Variants in COMMD10 observed in about 807,000 individuals in gnomAD.
The protein encoded by COMMD10 is COMM domain containing 10.
In COMMD10, 33 loss-of-function variants were observed where a neutral mutation model predicts 28.9. The observed-to-expected ratio is 1.14, with a 90% confidence interval of 0.87 to 1.53. COMMD10 has a LOEUF of 1.53. Among genes scored for constraint, COMMD10 ranks in the 40% most tolerant of loss-of-function variants. The probability of loss-of-function intolerance (pLI) is 0.00; values close to 1 mark genes in which losing one functional copy is unlikely to be tolerated. For synonymous variants in COMMD10, 110 were observed against 81.7 expected (o/e 1.35, Z -1.87); for missense variants, 310 against 233.4 (o/e 1.33, Z -2.14).
chr5:116,208,615 T>C (rs1298997656), intron 5 of COMMD10, among the ~76,000 whole-genome samples: 1 of 152,198 alleles, frequency 6.6e-6, no homozygotes, highest in Non-Finnish European at 1.5e-5. Flanking sequence ...TATTCAATAA[T>C]TGAAACACAT....
At chr5:116,190,159 C>G (rs1260822530) in intron 5 of COMMD10, among the ~76,000 whole-genome samples, 1 of 152,032 alleles carries the variant, frequency 6.6e-6, no homozygotes, top group Non-Finnish European at 1.5e-5. Context: ...TCACATGGAG[C>G]TGAGAAGACC....
chr5:116,267,296 C>T (rs12515035), intron 5 of COMMD10, among the ~76,000 whole-genome samples: 26,898 of 151,832 alleles, frequency 0.18, 2,738 homozygotes, highest in Admixed American at 0.29. Context: ...CATTCCTATA[C>T]ACCAATAACA....
At chr5:116,178,260 T>G (rs1162847630) in intron 5 of COMMD10, among the ~76,000 whole-genome samples, 2 of 152,122 alleles carry the variant, frequency 1.3e-5, no homozygotes, top group East Asian at 3.9e-4. Flanking sequence ...ATTGCTTAGA[T>G]AAGTATTTAT....
chr5:116,263,025 A>C (rs771585481), intron 5 of COMMD10, among the ~76,000 whole-genome samples: 3 of 151,802 alleles, frequency 2.0e-5, no homozygotes, highest in Non-Finnish European at 2.9e-5. Flanking sequence ...CATGCTAAAC[A>C]TATTTTTTAA....
chr5:116,253,913 A>T (rs921777408), intron 5 of COMMD10, among the ~76,000 whole-genome samples: 6 of 151,610 alleles, frequency 4.0e-5, no homozygotes, highest in Non-Finnish European at 8.8e-5. Context: ...TTCGGCTGTG[A>T]ATCCATCTGG....
chr5:116,115,325 G>T (rs1033799259), intron 4 of COMMD10, among the ~76,000 whole-genome samples: 1 of 152,160 alleles, frequency 6.6e-6, no homozygotes, highest in Non-Finnish European at 1.5e-5. Flanking sequence ...CCACGTTGCA[G>T]ACTCCCTTTT....
intron 5 of COMMD10, among the ~76,000 whole-genome samples, chr5:116,245,052 G>GA (rs56658530): frequency 0.78 from 116,984 of 149,670 alleles, 48,016 homozygotes; most frequent in South Asian, 0.93. Flanking sequence ...CTGGTTTTTT[G>GA]AAAAAAAAAA....
At chr5:116,282,875 C>G (rs1751110455) in intron 5 of COMMD10, among the ~76,000 whole-genome samples, 1 of 151,884 alleles carries the variant, frequency 6.6e-6, no homozygotes, top group Non-Finnish European at 1.5e-5. Context: ...AGGACTTCAA[C>G]TTAAAAATTT....
intron 5 of COMMD10, among the ~76,000 whole-genome samples, chr5:116,234,691 C>G (rs1240006985): frequency 6.6e-6 from 1 of 152,184 alleles, no homozygotes; most frequent in Non-Finnish European, 1.5e-5. Context: ...ATAATTTACA[C>G]ACAGATCGAG....
At chr5:116,260,367 T>C (rs1407675888) in intron 5 of COMMD10, among the ~76,000 whole-genome samples, 1 of 151,912 alleles carries the variant, frequency 6.6e-6, no homozygotes, top group Non-Finnish European at 1.5e-5. Flanking sequence ...GGGTAATGTT[T>C]ATTGTTAGTC....
intron 4 of COMMD10, among the ~76,000 whole-genome samples, chr5:116,116,436 CTG>C (rs536235013): frequency 4.5e-4 from 69 of 152,318 alleles, no homozygotes; most frequent in African/African-American, 1.6e-3. Flanking sequence ...CAATATGTAA[CTG>C]TGAATACATA....
intron 5 of COMMD10, among the ~76,000 whole-genome samples, chr5:116,287,484 C>G (rs1751248873): frequency 6.6e-6 from 1 of 151,628 alleles, no homozygotes; most frequent in Non-Finnish European, 1.5e-5. Context: ...TAAAGTATGT[C>G]TCTTGTAAAC....
At chr5:116,160,428 A>C (rs1471707903) in intron 5 of COMMD10, among the ~76,000 whole-genome samples, 1 of 152,210 alleles carries the variant, frequency 6.6e-6, no homozygotes, top group Non-Finnish European at 1.5e-5. Context: ...GTGCTGTATT[A>C]AAATGTGAAG....
At chr5:116,230,034 G>A (rs936236289) in intron 5 of COMMD10, among the ~76,000 whole-genome samples, 13 of 151,692 alleles carry the variant, frequency 8.6e-5, no homozygotes, top group Non-Finnish European at 1.5e-4. Flanking sequence ...ACTTTATTAG[G>A]TTTTGTTCAC....
At chr5:116,285,821 G>C (rs552791416) in intron 5 of COMMD10, among the ~76,000 whole-genome samples, 1 of 151,822 alleles carries the variant, frequency 6.6e-6, no homozygotes, top group Non-Finnish European at 1.5e-5. Flanking sequence ...ATATTGGTCT[G>C]TAGTTTTCTT....
At chr5:116,180,817 T>G (rs535357690) in intron 5 of COMMD10, among the ~76,000 whole-genome samples, 2 of 152,258 alleles carry the variant, frequency 1.3e-5, no homozygotes, top group African/African-American at 4.8e-5. Context: ...TCTTATCATT[T>G]TAATGAGTTT....
chr5:116,214,948 A>G lies in COMMD10; in HGVS notation c.511-76569A>G, dbSNP rs571461188. Among the ~76,000 whole-genome samples the G allele has an allele frequency of 2.0e-5, 3 of 152,234 alleles. No individual in the cohort carries two copies. In the East Asian group the frequency reaches 5.8e-4, roughly 29 times the overall value. On this transcript the variant is annotated intron_variant, in intron 5 of 6. Transcript: ENST00000274458. Reference sequence around the variant, plus strand: ...CATTCCCACTTATTAGTCACAAATTATGGGGCTGGAGATGAGTTGAGATAT... The same window carrying G: ...CATTCCCACTTATTAGTCACAAATTGTGGGGCTGGAGATGAGTTGAGATAT...
chr5:116,265,002 A>G (rs1025003846), intron 5 of COMMD10, among the ~76,000 whole-genome samples: 10 of 151,714 alleles, frequency 6.6e-5, no homozygotes, highest in Admixed American at 3.9e-4. Flanking sequence ...AATGTTTTTT[A>G]TATTATTATG....
chr5:116,268,238 T>G (rs250326), intron 5 of COMMD10, among the ~76,000 whole-genome samples: 1 of 151,624 alleles, frequency 6.6e-6, no homozygotes, highest in Non-Finnish European at 1.5e-5. Flanking sequence ...ACAAAGAACT[T>G]AAACAAATTT....
Sources: gnomAD v4.1 joint callset for allele counts (sites outside exome capture counted in the v4.1 genomes callset) on GRCh38, gnomAD v4.1.1 for gene constraint, MANE v1.5 for transcripts, NCBI Gene and HGNC (gene_info 2026-07-23, HGNC 2026-07-21) for gene names.